The following SYT14 variants were observed in gnomAD, a reference collection of about 807,000 sequenced individuals.
SYT14 encodes the protein synaptotagmin-14.
Under a neutral mutation model 74.2 loss-of-function variants are expected in SYT14, and 32 were observed. That is an observed-to-expected ratio of 0.43 (90% CI 0.33 to 0.58). SYT14 has a LOEUF of 0.58. Ranked by LOEUF, SYT14 falls within the 20% of genes least tolerant of loss-of-function variation. The pLI is 0.05. For missense variants in SYT14, 791 were observed against 981.8 expected, an observed-to-expected ratio of 0.81 and a Z score of 2.60; for synonymous variants, 298 against 337.7, an observed-to-expected ratio of 0.88 and a Z score of 1.29.
At chr1:209,950,050 T>C (rs2078887221) in intron 1 of SYT14, among the ~76,000 whole-genome samples, 1 of 151,924 alleles carries the variant, frequency 6.6e-6, no homozygotes, top group Non-Finnish European at 1.5e-5. Context: ...TTACTGTACA[T>C]ACTAAGCCTT....
At chr1:209,986,226 G>A (rs2079567890) in intron 2 of SYT14, among the ~76,000 whole-genome samples, 2 of 152,084 alleles carry the variant, frequency 1.3e-5, no homozygotes, top group African/African-American at 2.4e-5. Flanking sequence ...AAGTTCCTAT[G>A]TTAGTAATTT....
At chr1:210,111,633 G>A (rs1298181676) in intron 7 of SYT14, among the ~76,000 whole-genome samples, 1 of 151,208 alleles carries the variant, frequency 6.6e-6, no homozygotes, top group East Asian at 1.9e-4. Flanking sequence ...TTTGTGGTAA[G>A]GGGTAATACT....
chr1:210,058,219 G>A (rs1304545418), intron 5 of SYT14, among the ~76,000 whole-genome samples: 2 of 152,106 alleles, frequency 1.3e-5, no homozygotes, highest in African/African-American at 4.8e-5. Flanking sequence ...TTTATTATGA[G>A]GTAGTCCAAA....
At chr1:210,130,622 C>T (rs1210625868) in intron 7 of SYT14, among the ~76,000 whole-genome samples, 2 of 152,124 alleles carry the variant, frequency 1.3e-5, no homozygotes, top group Non-Finnish European at 2.9e-5. Flanking sequence ...CTGGACTGTC[C>T]TGAACTTCAC....
intron 7 of SYT14, among the ~76,000 whole-genome samples, chr1:210,147,793 A>G (rs1350240345): frequency 6.6e-6 from 1 of 152,104 alleles, no homozygotes; most frequent in Non-Finnish European, 1.5e-5. Context: ...AAGGAGGTGT[A>G]CTATTAAATA....
chr1:210,139,754 GACTTTT>G (rs1461284878), intron 7 of SYT14, among the ~76,000 whole-genome samples: 15 of 152,042 alleles, frequency 9.9e-5, no homozygotes, highest in African/African-American at 3.6e-4. Flanking sequence ...TGTGTTTGAT[GACTTTT>G]ACTTAGCATG....
chr1:210,065,883 C>A (rs983008291), intron 5 of SYT14, among the ~76,000 whole-genome samples: 3 of 151,086 alleles, frequency 2.0e-5, no homozygotes, highest in Admixed American at 6.6e-5. Context: ...CCCTTCCCCC[C>A]ACCCCACAAC....
At chr1:210,045,760 TAAAAC>T (rs1329873131) in intron 5 of SYT14, among the ~76,000 whole-genome samples, 1 of 152,162 alleles carries the variant, frequency 6.6e-6, no homozygotes, top group African/African-American at 2.4e-5. Context: ...AAAATCATGT[TAAAAC>T]AAACTATTTT....
intron 2 of SYT14, among the ~76,000 whole-genome samples, chr1:209,990,632 A>G (rs1175578149): frequency 7.1e-6 from 1 of 140,640 alleles, no homozygotes; most frequent in Non-Finnish European, 1.6e-5. Context: ...ATATGATAAT[A>G]CTTGTTATTT....
intron 7 of SYT14, among the ~76,000 whole-genome samples, chr1:210,113,075 A>G (rs112950864): frequency 0.01 from 1,532 of 151,522 alleles, 113 homozygotes; most frequent in African/African-American, 0.036. Flanking sequence ...CATGAGAGCT[A>G]AGCTAAAACA....
intron 7 of SYT14, among the ~76,000 whole-genome samples, chr1:210,147,400 A>G (rs2083063087): frequency 6.6e-6 from 1 of 152,200 alleles, no homozygotes; most frequent in Admixed American, 6.5e-5. Context: ...TTGAGAAATT[A>G]GAAGTTTTAA....
At chr1:210,005,597 A>G (rs1157626209) in intron 2 of SYT14, among the ~76,000 whole-genome samples, 1 of 151,954 alleles carries the variant, frequency 6.6e-6, no homozygotes, top group Non-Finnish European at 1.5e-5. Context: ...TAATGAAAAA[A>G]ATTGAGACAA....
chr1:209,965,846 A>C (rs557881959), intron 2 of SYT14: 2 of 443,970 alleles, frequency 4.5e-6, no homozygotes, highest in African/African-American at 2.1e-5. Context: ...AAATCAATAG[A>C]TTATATATTT....
intron 7 of SYT14, among the ~76,000 whole-genome samples, chr1:210,147,737 G>A (rs1177173164): frequency 6.6e-6 from 1 of 152,144 alleles, no homozygotes; most frequent in Admixed American, 6.5e-5. Context: ...AGTACTGTGG[G>A]GTGGAGGGAA....
At chr1:210,016,740 A>G (rs2080191681) in exon 4 of SYT14, 8 of 1,231,902 alleles carry the variant, frequency 6.5e-6, no homozygotes, top group Non-Finnish European at 8.1e-6. Flanking sequence ...GGGCATTTCA[A>G]TAAATGTAAA....
rs2079806326 is a variant in SYT14, at chr1:209,996,779, CCTT to C, written c.-485-16850_-485-16848del. Among the ~76,000 whole-genome samples, 3 of 152,178 alleles carry C rather than the reference CCTT, an allele frequency of 2.0e-5. No homozygotes were observed. In the South Asian group the frequency reaches 6.2e-4, roughly 32 times the overall value. The stretch of plus-strand genomic sequence containing the variant: ...AAGTTAATTTACGATGATTAAGTAG[CCTT>C]CTTTCCTGGGATGCAAGGTTGTTCC... On this transcript the variant is annotated intron_variant, in intron 2 of 9. Transcript: ENST00000637265.
intron 1 of SYT14, among the ~76,000 whole-genome samples, chr1:209,939,875 G>A (rs1370271334): frequency 6.6e-6 from 1 of 152,064 alleles, no homozygotes; most frequent in Non-Finnish European, 1.5e-5. Flanking sequence ...TTTTTTCTTA[G>A]TTCTTCCTTT....
chr1:210,101,056 T>C (rs939607403), intron 7 of SYT14, among the ~76,000 whole-genome samples: 10 of 152,316 alleles, frequency 6.6e-5, no homozygotes, highest in African/African-American at 2.4e-4. Context: ...AGTTCTCTCT[T>C]TTCTCTTTTT....
chr1:209,949,931 G>C (rs917908843), intron 1 of SYT14, among the ~76,000 whole-genome samples: 2 of 152,096 alleles, frequency 1.3e-5, no homozygotes, highest in African/African-American at 4.8e-5. Flanking sequence ...AAATTTAAGA[G>C]GTTCTTTTAT....
Sources: gnomAD v4.1 joint callset for allele counts (sites outside exome capture counted in the v4.1 genomes callset) on GRCh38, gnomAD v4.1.1 for gene constraint, MANE v1.5 for transcripts, NCBI Gene and HGNC (gene_info 2026-07-23, HGNC 2026-07-21) for gene names.